The following SAP130 variants were observed in gnomAD, a reference collection of about 807,000 sequenced individuals.
SAP130 encodes Sin3A associated protein 130.
SAP130 carries 16 observed loss-of-function variants against 103.2 expected under a neutral mutation model. The ratio of observed to expected loss-of-function variants is 0.16; its 90% CI spans 0.10 to 0.24. The LOEUF is 0.24. SAP130 is among the 10% of genes least tolerant of loss of function. The probability of loss-of-function intolerance (pLI) is 1.00; values close to 1 mark genes in which losing one functional copy is unlikely to be tolerated. For missense variants in SAP130, 990 were observed against 1,359.7 expected, an observed-to-expected ratio of 0.73 and a Z score of 4.28; for synonymous variants, 477 against 497.0, an observed-to-expected ratio of 0.96 and a Z score of 0.53.
Position 127,986,004 on chromosome 2 carries a change from C to A in SAP130, c.1958+781G>T, listed in dbSNP as rs371506806. On this transcript the variant is annotated intron_variant, in intron 14 of 20. Coordinates refer to ENST00000643581, the MANE Select transcript of SAP130 (RefSeq NM_001330301.2). The surrounding 1 kb of genome is among the most constrained non-coding windows in gnomAD (Gnocchi z 4.7). Reference sequence around the variant, plus strand: ...CCAGGGCAGTCAAGAGAGCTGGGGCCGCTCCATCTCCCTTCTGGCTTCCCC... The same window carrying A: ...CCAGGGCAGTCAAGAGAGCTGGGGCAGCTCCATCTCCCTTCTGGCTTCCCC... Among the ~76,000 whole-genome samples the A allele has an allele frequency of 6.6e-6, 1 of 152,118 alleles. No individual in the cohort carries two copies. Among genetic ancestry groups the A allele is most frequent in the Non-Finnish European group, 1.5e-5 (1 of 68,036 alleles).
rs1041280479 is a variant in SAP130 at position 127,955,133 on chromosome 2, T to C, written c.2275A>G (p.Ile759Val). ...ALSTIPGAVP[I>V]TPPITTIAAA... ...GCAATGGTGGTGATGGGTGGAGTGA[T>C]GGGGACCGCTCCAGGAATGGTTGAA... The change falls in exon 16 of 21, where the codon ATC becomes GTC. Residue 759 changes from isoleucine to valine, a missense_variant. Physicochemically the swap from Ile to Val is conservative, Grantham distance 29 (BLOSUM62 3). Around this residue, in one of 6 missense-constraint regions of SAP130, gnomAD observed 349 missense variants for 384.1 expected, o/e 0.91. Transcript: ENST00000643581. This position sits in a 1 kb window ranked among gnomAD's most constrained non-coding sequence, Gnocchi z 4.9. The C allele has an allele frequency of 2.5e-6, 4 of 1,613,980 alleles. No individual in the cohort carries two copies. The African/African-American group carries it at 5.3e-5, about 22-fold the overall frequency.
intron 7 of SAP130, among the ~76,000 whole-genome samples, chr2:128,008,845 C>A (rs976601432): frequency 6.6e-6 from 1 of 151,850 alleles, no homozygotes; most frequent in Non-Finnish European, 1.5e-5. Context: ...ACCACCATGC[C>A]TGGCTACTTT....
chr2:128,025,000 G>C, intron 2 of SAP130, among the ~76,000 whole-genome samples: 2 of 104,414 alleles, frequency 1.9e-5, no homozygotes, highest in Admixed American at 1.0e-4. Flanking sequence ...AGACCCTATT[G>C]CGCAAAAAAA....
At chr2:127,949,400 G>A (rs549730092) in intron 18 of SAP130, among the ~76,000 whole-genome samples, 2 of 152,282 alleles carry the variant, frequency 1.3e-5, no homozygotes, top group East Asian at 3.9e-4. Context: ...TTCATTGAGG[G>A]CTTACCTTAG....
chr2:128,015,160 A>G (rs1475099050), intron 4 of SAP130, among the ~76,000 whole-genome samples: 1 of 152,222 alleles, frequency 6.6e-6, no homozygotes, highest in Admixed American at 6.5e-5. Context: ...TACAGATAAT[A>G]TACTTCGATA....
intron 15 of SAP130, among the ~76,000 whole-genome samples, chr2:127,959,094 T>C (rs892252219): frequency 2.0e-5 from 3 of 152,170 alleles, no homozygotes; most frequent in South Asian, 2.1e-4. Flanking sequence ...AATTGTGTTA[T>C]ATATAAACCA....
At chr2:127,979,033 A>G (rs1397562707) in intron 14 of SAP130, among the ~76,000 whole-genome samples, 4 of 152,198 alleles carry the variant, frequency 2.6e-5, no homozygotes, top group Admixed American at 2.6e-4. Context: ...TGCAAATGTA[A>G]TTAAGGATCT....
intron 13 of SAP130, among the ~76,000 whole-genome samples, chr2:127,987,680 G>A (rs1469439992): frequency 6.6e-6 from 1 of 152,008 alleles, no homozygotes; most frequent in Non-Finnish European, 1.5e-5. Context: ...CTTAATACAA[G>A]AGCCACAAAT....
intron 15 of SAP130, among the ~76,000 whole-genome samples, chr2:127,958,903 C>T (rs1680037517): frequency 6.6e-6 from 1 of 152,154 alleles, no homozygotes; most frequent in South Asian, 2.1e-4. Context: ...AAGCAATCTG[C>T]CTGCCTTGGT....
In SAP130 at chr2:127,942,416, A is replaced by G; in HGVS notation, c.3015+8T>C. The stretch of plus-strand genomic sequence containing the variant: ...TAGATGATCAGAAGGGAAGGGGCGC[A>G]CTCAAACCTGTATCAGTTCGTTTAT... On this transcript the variant is annotated splice_region_variant and intron_variant, in intron 20 of 20. Transcript: ENST00000643581. The surrounding 1 kb of genome is among the most constrained non-coding windows in gnomAD (Gnocchi z 4.8). The G allele has an allele frequency of 3.1e-6, 5 of 1,591,048 alleles. No individual in the cohort carries two copies. The highest frequency in any genetic ancestry group is 4.3e-6 in the Non-Finnish European group (5 of 1,158,970).
chr2:127,998,634 G>A (rs1013160232), intron 10 of SAP130, among the ~76,000 whole-genome samples: 1 of 152,164 alleles, frequency 6.6e-6, no homozygotes, highest in Non-Finnish European at 1.5e-5. Context: ...ATGGAACATA[G>A]GAATACATGT....
chr2:127,996,470 A>C lies in SAP130; in HGVS notation c.1235T>G (p.Ile412Ser). The C allele has an allele frequency of 6.3e-7, 1 of 1,587,122 alleles. No homozygotes were observed. The highest frequency in any genetic ancestry group is 1.1e-5 in the South Asian group (1 of 87,558). Residue 412 changes from isoleucine (I) to serine (S), a missense_variant, in exon 11 of 21, where the codon ATC becomes AGC. Ile to Ser is a moderately radical substitution (Grantham distance 142). This residue lies in a region of SAP130 where 336 missense variants were observed against 520.1 expected (regional missense o/e 0.65). Transcript: ENST00000643581. This position sits in a 1 kb window ranked among gnomAD's most constrained non-coding sequence, Gnocchi z 4.3. Reference protein sequence around the residue: ...IPVAKVVPQQITHTSPRIQPD... With the variant: ...IPVAKVVPQQSTHTSPRIQPD... ...CTGGATCCGAGGAGAAGTGTGCGTG[A>C]TCTGCTGGGGCACCACCTTGGCTGC...
intron 11 of SAP130, among the ~76,000 whole-genome samples, chr2:127,995,488 T>TA (rs1271029863): frequency 1.3e-5 from 2 of 152,148 alleles, no homozygotes; most frequent in Non-Finnish European, 2.9e-5. Context: ...CCGAGCCGAT[T>TA]AAAAAACAGT....
chr2:127,978,967 T>C lies in SAP130; in HGVS notation c.1959-878A>G, dbSNP rs565287284. Among the ~76,000 whole-genome samples, 16 of 152,328 alleles carry C rather than the reference T, an allele frequency of 1.1e-4. No individual in the cohort carries two copies. In the South Asian group the frequency reaches 1.7e-3, roughly 16 times the overall value. ...GAACTGAGTTCTTTAAGAAGATACA[T>C]GTAAGTCCCAATCTTTAGTAACTGT... On this transcript the variant is annotated intron_variant, in intron 14 of 20. Coordinates refer to ENST00000643581, the MANE Select transcript of SAP130 (RefSeq NM_001330301.2).
intron 14 of SAP130, among the ~76,000 whole-genome samples, chr2:127,982,568 G>A (rs943226815): frequency 1.3e-5 from 2 of 152,210 alleles, no homozygotes; most frequent in African/African-American, 4.8e-5. Context: ...AGAAGGAAAC[G>A]TAAAATAGTT....
At position 128,013,350 on chromosome 2, in the gene SAP130, A is replaced by C. The variant is rs372885408; in HGVS notation, c.620-196T>G. Among the ~76,000 whole-genome samples the C allele has an allele frequency of 1.3e-4, 20 of 152,318 alleles. No individual in the cohort carries two copies. The East Asian group carries it at 3.7e-3, about 28-fold the overall frequency. Reference sequence around the variant, plus strand: ...ATAATAATTTATATTGCCTCTTCACAGACAACCTTAAGTGAAACTAGCTGC... The same window carrying C: ...ATAATAATTTATATTGCCTCTTCACCGACAACCTTAAGTGAAACTAGCTGC... On this transcript the variant is annotated intron_variant, in intron 5 of 20. Coordinates refer to ENST00000643581, the MANE Select transcript of SAP130 (RefSeq NM_001330301.2).
At chr2:128,009,990 T>C (rs1399145201) in intron 7 of SAP130, among the ~76,000 whole-genome samples, 1 of 152,166 alleles carries the variant, frequency 6.6e-6, no homozygotes, top group Non-Finnish European at 1.5e-5. Flanking sequence ...ACCCACCCTG[T>C]CACTCCCAAT....
rs760689877 is a variant in SAP130 at position 128,026,214 on chromosome 2, C to T, written c.79G>A (p.Gly27Ser). Reference sequence around the variant, plus strand: ...GCTGGGTTTATCAATCCAGCAGAACCACTGTTTGCAATCTGAGAAGGGGCC... The same window carrying T: ...GCTGGGTTTATCAATCCAGCAGAACTACTGTTTGCAATCTGAGAAGGGGCC... ...SQAPSQIANS[G>S]SAGLINPAAT... Residue 27 changes from glycine to serine, a missense_variant, in exon 2 of 21, where the codon GGT (glycine) becomes AGT (serine). By Grantham distance (56) the Gly-to-Ser change is moderately conservative. Transcript: ENST00000643581. 6.2e-7 allele frequency: 1 copy of T among 1,613,942 alleles called. No individual in the cohort carries two copies. The highest frequency in any genetic ancestry group is 1.7e-5 in the Admixed American group (1 of 60,016).
intron 2 of SAP130, among the ~76,000 whole-genome samples, chr2:128,022,164 T>C (rs188894557): frequency 3.5e-4 from 54 of 152,364 alleles, no homozygotes; most frequent in African/African-American, 1.3e-3. Flanking sequence ...TCTGTCACTA[T>C]GGCATAGTCT....
Sources: gnomAD v4.1 joint callset for allele counts (sites outside exome capture counted in the v4.1 genomes callset) on GRCh38, gnomAD v4.1.1 for gene constraint, gnomAD v4.1.1 regional missense constraint, Gnocchi (gnomAD v3.1) non-coding constraint, MANE v1.5 for transcripts, NCBI Gene and HGNC (gene_info 2026-07-23, HGNC 2026-07-21) for gene names.